The following FGF13 variants were observed in gnomAD, a reference collection of about 807,000 sequenced individuals.
FGF13 encodes fibroblast growth factor 13.
Under a neutral mutation model 19.5 loss-of-function variants are expected in FGF13, and 2 were observed. That is an observed-to-expected ratio of 0.10 (90% CI 0.04 to 0.32). FGF13 has a LOEUF of 0.32. Ranked by LOEUF, FGF13 falls within the 10% of genes least tolerant of loss-of-function variation. FGF13 has a pLI of 1.00. For synonymous variants in FGF13, 72 were observed against 76.9 expected (o/e 0.94, Z 0.33); for missense variants, 113 against 192.7 (o/e 0.59, Z 2.45).
At chrX:138,821,213 T>C (rs2090996947) in intron 3 of FGF13, among the ~76,000 whole-genome samples, 1 of 111,464 alleles carries the variant, frequency 9.0e-6, no homozygotes, top group Non-Finnish European at 1.9e-5. Context: ...AAAAAGGAGA[T>C]ACATTCTAGA....
intron 1 of FGF13, among the ~76,000 whole-genome samples, chrX:139,075,083 ATTTGGTGAACATAT>A (rs772333661): frequency 1.8e-5 from 2 of 112,029 alleles, no homozygotes; most frequent in Non-Finnish European, 3.8e-5. Flanking sequence ...TTCAATAGCT[ATTTGGTGAACATAT>A]GAATAACTTG....
intron 1 of FGF13, among the ~76,000 whole-genome samples, chrX:139,087,975 G>T (rs913933900): frequency 8.9e-6 from 1 of 111,883 alleles, no homozygotes; most frequent in Non-Finnish European, 1.9e-5. Flanking sequence ...CTCCTATTTG[G>T]AATCAGAGGA....
At chrX:138,937,964 G>A (rs1304650621) in intron 1 of FGF13, among the ~76,000 whole-genome samples, 2 of 111,358 alleles carry the variant, frequency 1.8e-5, no homozygotes, top group African/African-American at 6.5e-5. Context: ...AAGCCCAGAG[G>A]CAAATCTTAA....
chrX:139,047,506 G>A (rs1017203321), intron 1 of FGF13, among the ~76,000 whole-genome samples: 1 of 110,771 alleles, frequency 9.0e-6, no homozygotes, highest in South Asian at 3.7e-4. Context: ...CCACTAACTC[G>A]TATACTCTCT....
At chrX:139,119,101 C>A (rs2083659672) in intron 1 of FGF13, among the ~76,000 whole-genome samples, 1 of 111,630 alleles carries the variant, frequency 9.0e-6, no homozygotes, top group African/African-American at 3.3e-5. Context: ...ACTCTGGAGG[C>A]AGAGGTGGGA....
chrX:139,181,761 A>T (rs184163723), intron 1 of FGF13, among the ~76,000 whole-genome samples: 1 of 112,314 alleles, frequency 8.9e-6, no homozygotes, highest in East Asian at 2.8e-4. Flanking sequence ...TCAGAAACTG[A>T]CTGATATAAT....
intron 1 of FGF13, among the ~76,000 whole-genome samples, chrX:138,916,075 C>T (rs779468465): frequency 4.5e-5 from 5 of 111,911 alleles, no homozygotes; most frequent in African/African-American, 6.5e-5. Context: ...ATTGGTCCTG[C>T]TGGTGTTGCA....
At chrX:139,038,956 T>G (rs2092259611) in intron 1 of FGF13, among the ~76,000 whole-genome samples, 1 of 111,898 alleles carries the variant, frequency 8.9e-6, no homozygotes, top group Non-Finnish European at 1.9e-5. Flanking sequence ...ATTAGAACAA[T>G]TATTCAGATA....
At chrX:139,198,249 G>A (rs2084389664) in intron 1 of FGF13, among the ~76,000 whole-genome samples, 3 of 111,262 alleles carry the variant, frequency 2.7e-5, no homozygotes, top group Admixed American at 9.5e-5. Context: ...TTTCTAATTT[G>A]GCCTTTGACT....
At chrX:139,027,987 G>C (rs975203727) in intron 1 of FGF13, among the ~76,000 whole-genome samples, 1 of 111,347 alleles carries the variant, frequency 9.0e-6, no homozygotes, top group Non-Finnish European at 1.9e-5. Context: ...AATACAAAAA[G>C]TTCTAAGGCA....
Position 139,001,521 on chromosome X carries a change from T to C in FGF13, c.-112-136871A>G, listed in dbSNP as rs967356662. Among the ~76,000 whole-genome samples the C allele has an allele frequency of 5.4e-4, 56 of 104,610 alleles. 1 individual carries two copies. Among genetic ancestry groups the C allele is most frequent in the African/African-American group, 1.9e-3 (53 of 28,197 alleles). The allele number at this position is 104,610 out of a possible 115,157, so 90.8% of individuals were successfully genotyped here. ...AACAAACAACCCCTTGAAAAAAAAA[T>C]GAGTGAAGGATATGAACAGACTCTT... On this transcript the variant is annotated intron_variant, in intron 1 of 2. Coordinates refer to the FGF13 transcript ENST00000421460.
intron 3 of FGF13, among the ~76,000 whole-genome samples, chrX:138,746,579 A>C (rs1408413940): frequency 8.9e-6 from 1 of 111,757 alleles, no homozygotes; most frequent in Admixed American, 9.4e-5. Flanking sequence ...ATTCACCCGG[A>C]AGCAACAGAG....
intron 3 of FGF13, among the ~76,000 whole-genome samples, chrX:138,763,056 A>G (rs2090478354): frequency 9.0e-6 from 1 of 111,327 alleles, no homozygotes; most frequent in South Asian, 3.8e-4. Flanking sequence ...ATAAGTAGAG[A>G]AAATGGAGAC....
intron 1 of FGF13, among the ~76,000 whole-genome samples, chrX:139,025,415 T>C (rs1211635993): frequency 9.0e-6 from 1 of 111,684 alleles, no homozygotes; most frequent in Non-Finnish European, 1.9e-5. Context: ...CTCTGCTTCA[T>C]CAAGACAATT....
intron 1 of FGF13, among the ~76,000 whole-genome samples, chrX:139,127,110 C>T (rs912609540): frequency 9.0e-6 from 1 of 111,687 alleles, no homozygotes; most frequent in Admixed American, 9.5e-5. Flanking sequence ...AAGCACCATA[C>T]CCAGGTGTTA....
At chrX:138,725,776 T>C (rs1314428615) in intron 1 of FGF13, among the ~76,000 whole-genome samples, 1 of 111,135 alleles carries the variant, frequency 9.0e-6, no homozygotes, top group Non-Finnish European at 1.9e-5. Context: ...AAGCTTGAAG[T>C]TCCTCCCCCC....
chrX:139,157,083 C>T (rs1016915628), intron 1 of FGF13, among the ~76,000 whole-genome samples: 8 of 111,389 alleles, frequency 7.2e-5, no homozygotes, highest in South Asian at 7.7e-4. Context: ...ATGCCAGCCA[C>T]GTGAAATATG....
chrX:138,671,023 C>G (rs1228660875), intron 3 of FGF13, among the ~76,000 whole-genome samples: 1 of 88,414 alleles, frequency 1.1e-5, no homozygotes, highest in African/African-American at 5.2e-5. Flanking sequence ...CACACATGAC[C>G]ATCACCATCG....
At chrX:139,081,248 C>A (rs1420037846) in intron 1 of FGF13, among the ~76,000 whole-genome samples, 2 of 111,407 alleles carry the variant, frequency 1.8e-5, no homozygotes, top group Non-Finnish European at 3.8e-5. Flanking sequence ...GTACAACTCT[C>A]TGCAGCATTC....
Sources: gnomAD v4.1 joint callset for allele counts (sites outside exome capture counted in the v4.1 genomes callset) on GRCh38, gnomAD v4.1.1 for gene constraint, MANE v1.5 for transcripts, NCBI Gene and HGNC (gene_info 2026-07-23, HGNC 2026-07-21) for gene names.